The following WHAMM variants were observed in gnomAD, a reference collection of about 807,000 sequenced individuals.
WHAMM encodes WASP homolog associated with actin, golgi membranes and microtubules, also known as WASP homolog-associated protein with actin, membranes and microtubules.
A neutral mutation model predicts 76.5 loss-of-function variants in WHAMM; 67 were observed. The observed-to-expected ratio is 0.88, with a 90% CI of 0.72 to 1.07. The LOEUF (loss-of-function observed/expected upper bound fraction) is 1.07, where lower values mean the gene tolerates loss of function less well. WHAMM is among the 50% of genes least tolerant of loss of function. The pLI is 0.00. For missense variants in WHAMM, 1,021 were observed against 1,051.1 expected (o/e 0.97, Z 0.40); for synonymous variants, 419 against 422.1 (o/e 0.99, Z 0.09).
chr15:82,811,892 A>G (rs2050635020), intron 1 of WHAMM, among the ~76,000 whole-genome samples: 2 of 152,206 alleles, frequency 1.3e-5, no homozygotes, highest in Admixed American at 1.3e-4. Flanking sequence ...ATAAAAAACT[A>G]TAGCTGAAAG....
rs2051101634 is a variant in WHAMM, at chr15:82,834,606, TTGAATG to T, written c.*1078_*1083del. The T allele has an allele frequency of 6.5e-6, 1 of 152,698 alleles. No homozygotes were observed. Among genetic ancestry groups the T allele is most frequent in the Non-Finnish European group, 1.5e-5 (1 of 68,044 alleles). The allele number at this position is 152,698 out of a possible 1,614,324, so 9.5% of individuals were successfully genotyped here. A position where few individuals can be genotyped will look rare whatever the true frequency, so the allele number is the denominator to read the frequency against. ...ATAATGATTTCTCAGATTTGTAGGC[TTGAATG>T]TGAATGTTATTTTATCAGTAATCAG... On this transcript the variant is annotated 3_prime_UTR_variant, in exon 10 of 10. Transcript: ENST00000286760.
intron 1 of WHAMM, chr15:82,810,712 A>C (rs2050614350): frequency 2.0e-6 from 2 of 985,486 alleles, no homozygotes; most frequent in South Asian, 4.7e-5. Context: ...GACTAAATGT[A>C]AGCAATTCCT....
chr15:82,820,914 AAAAAAAG>A (rs1566994634), intron 5 of WHAMM, among the ~76,000 whole-genome samples: 1 of 150,900 alleles, frequency 6.6e-6, no homozygotes, highest in Non-Finnish European at 1.5e-5. Context: ...AAAAAAAAAA[AAAAAAAG>A]AAAAAAGATG....
In WHAMM at chr15:82,831,035, CT is replaced by C; in HGVS notation, c.2079del (p.Ala694LeufsTer24). 6.2e-7 allele frequency: 1 copy of C among 1,611,128 alleles called. No individual in the cohort carries two copies. Among genetic ancestry groups the C allele is most frequent in the Non-Finnish European group, 8.5e-7 (1 of 1,179,832 alleles). On this transcript the variant is annotated frameshift_variant, in exon 9 of 10. Coordinates refer to ENST00000286760, the MANE Select transcript of WHAMM (RefSeq NM_001080435.3). LOFTEE classifies it low-confidence loss of function (END_TRUNC). Reference sequence around the variant, plus strand: ...CCACGTCCTCTAGTGTGCGAATCACCTGCTGAGCGACCACGTGACTCCTTGG... The same window carrying C: ...CCACGTCCTCTAGTGTGCGAATCACCGCTGAGCGACCACGTGACTCCTTGG... Reference protein sequence around the residue: ...DQPRPLVCESPAERPRDSLES... With the variant: ...DQPRPLVCESXAERPRDSLES...
intron 8 of WHAMM, among the ~76,000 whole-genome samples, chr15:82,827,790 C>G (rs764720003): frequency 8.5e-5 from 13 of 152,124 alleles, no homozygotes; most frequent in Non-Finnish European, 1.8e-4. Flanking sequence ...ACTAAAAATA[C>G]AAAAATTAGC....
At chr15:82,817,672 C>T (rs993497273) in intron 3 of WHAMM, among the ~76,000 whole-genome samples, 1 of 151,786 alleles carries the variant, frequency 6.6e-6, no homozygotes, top group Non-Finnish European at 1.5e-5. Flanking sequence ...AGCAAGTGTG[C>T]CAAAATATAA....
Position 82,810,286 on chromosome 15 carries a change from A to AGCGGGCCTTGCGCGC in WHAMM, c.565_579dup (p.Ala189_Arg193dup). ...TGCGAAAGCCCGCGCGAGTTCCGGG[A>AGCGGGCCTTGCGCGC]GCGGGCCTTGCGCGCGCGGTGGGTC... On this transcript the variant is annotated inframe_insertion, in exon 1 of 10. Transcript: ENST00000286760. 5 of 1,362,226 alleles carry AGCGGGCCTTGCGCGC rather than the reference A, an allele frequency of 3.7e-6. No homozygotes were observed. The highest frequency in any genetic ancestry group is 4.7e-6 in the Non-Finnish European group (5 of 1,061,782). 84.4% of individuals were successfully genotyped at this position (1,362,226 alleles called of 1,614,324 possible).
chr15:82,829,246 G>A (rs2050987740), intron 8 of WHAMM, among the ~76,000 whole-genome samples: 1 of 152,186 alleles, frequency 6.6e-6, no homozygotes, highest in Non-Finnish European at 1.5e-5. Context: ...TGAGGCAGGT[G>A]GATTGCTTGA....
At position 82,826,818 on chromosome 15, in the gene WHAMM, C is replaced by T. The variant is rs1407725623; in HGVS notation, c.1613C>T (p.Thr538Ile). 10 of 1,549,398 alleles carry T rather than the reference C, an allele frequency of 6.5e-6. No homozygotes were observed. The highest frequency in any genetic ancestry group is 1.2e-5 in the South Asian group (1 of 83,688). Residue 538 changes from threonine to isoleucine, a missense_variant, in exon 8 of 10, where the codon ACA becomes ATA. Around this residue, in one of 3 missense-constraint regions of WHAMM, gnomAD observed 509 missense variants for 492.3 expected, o/e 1.03. Coordinates refer to ENST00000286760, the MANE Select transcript of WHAMM (RefSeq NM_001080435.3). The part of the protein sequence containing the change: ...KEWINQERQK[T>I]LQRLRSFKDK... Reference sequence around the variant, plus strand: ...TGGATCAACCAAGAACGTCAAAAAACACTCCAACGATTGAGATCATTTAAA... The same window carrying T: ...TGGATCAACCAAGAACGTCAAAAAATACTCCAACGATTGAGATCATTTAAA...
chr15:82,829,552 A>G (rs2050993138), intron 8 of WHAMM, among the ~76,000 whole-genome samples: 1 of 152,230 alleles, frequency 6.6e-6, no homozygotes, highest in African/African-American at 2.4e-5. Context: ...CTGTGTCTGC[A>G]TCAGGGAGGT....
rs967295908 is a variant in WHAMM, at chr15:82,833,441, A to G, written c.2335A>G (p.Arg779Gly). The change falls in exon 10 of 10, where the codon AGG (arginine) becomes GGG (glycine). Residue 779 changes from arginine to glycine, a missense_variant. Arg to Gly is a moderately radical substitution (Grantham distance 125). Around this residue, in one of 3 missense-constraint regions of WHAMM, gnomAD observed 509 missense variants for 492.3 expected, o/e 1.03. Coordinates refer to ENST00000286760, the MANE Select transcript of WHAMM (RefSeq NM_001080435.3). ...TSNRRTSDLERSIKAALQRIK... is the reference protein window; with the variant it reads ...TSNRRTSDLEGSIKAALQRIK... The stretch of plus-strand genomic sequence containing the variant: ...CAACAGACGCACCAGTGACCTTGAG[A>G]GGAGCATCAAGGCTGCGCTCCAGAG... The G allele has an allele frequency of 4.3e-6, 7 of 1,614,034 alleles. No individual in the cohort carries two copies. In the South Asian group the frequency reaches 5.5e-5, roughly 13 times the overall value.
In WHAMM at chr15:82,826,746, T is replaced by G. The variant is rs1408881240; in HGVS notation, c.1546-5T>G. 1 of 1,537,614 alleles carries G rather than the reference T, an allele frequency of 6.5e-7. No homozygotes were observed. Among genetic ancestry groups the G allele is most frequent in the East Asian group, 2.4e-5 (1 of 40,878 alleles). On this transcript the variant is annotated splice_polypyrimidine_tract_variant and splice_region_variant and intron_variant, in intron 7 of 9. Coordinates refer to ENST00000286760, the MANE Select transcript of WHAMM (RefSeq NM_001080435.3). ...ATTTACAAATATACATTTGTTTAAATATAGAAAAGAGACAAGATAAAAGAA... is the reference window on the plus strand; with the variant it reads ...ATTTACAAATATACATTTGTTTAAAGATAGAAAAGAGACAAGATAAAAGAA...
chr15:82,825,960 G>A (rs1392868175), intron 6 of WHAMM, among the ~76,000 whole-genome samples: 4 of 152,086 alleles, frequency 2.6e-5, no homozygotes, highest in Non-Finnish European at 5.9e-5. Flanking sequence ...TGTGCATATC[G>A]CATATTATAT....
At position 82,833,223 on chromosome 15, in the gene WHAMM, T is replaced by C; in HGVS notation, c.2123-6T>C. On this transcript the variant is annotated splice_region_variant and splice_polypyrimidine_tract_variant and intron_variant, in intron 9 of 9. Transcript: ENST00000286760. ...GATAGTACTAGCTCTGCTTATTCAA[T>C]TTCAGGATCTATGGATGAAGTGTTG... The C allele has an allele frequency of 6.2e-7, 1 of 1,612,432 alleles. No individual in the cohort carries two copies. The highest frequency in any genetic ancestry group is 8.5e-7 in the Non-Finnish European group (1 of 1,179,032).
chr15:82,815,666 T>C (rs955137444), intron 2 of WHAMM, among the ~76,000 whole-genome samples: 1 of 152,166 alleles, frequency 6.6e-6, no homozygotes, highest in Non-Finnish European at 1.5e-5. Flanking sequence ...GGGTGCATAT[T>C]TTATATTCCC....
In WHAMM at chr15:82,822,681, G is replaced by A. The variant is rs575398116; in HGVS notation, c.1271-419G>A. On this transcript the variant is annotated intron_variant, in intron 5 of 9. Coordinates refer to ENST00000286760, the MANE Select transcript of WHAMM (RefSeq NM_001080435.3). ...TTGAACTCCTGACCTCAGGTGTTCC[G>A]CCTGCCTTGGCCTCCCAAAGTGCTG... 1.4e-4 allele frequency among the ~76,000 whole-genome samples: 21 copies of A among 152,242 alleles called. No homozygotes were observed. The East Asian group carries it at 3.3e-3, about 24-fold the overall frequency.
In WHAMM at chr15:82,809,897, GGGGGCCCGGTT is replaced by G. The variant is rs2050595365; in HGVS notation, c.180_190del (p.Leu61AlafsTer6). 1 of 1,550,308 alleles carries G rather than the reference GGGGGCCCGGTT, an allele frequency of 6.5e-7. No homozygotes were observed. The highest frequency in any genetic ancestry group is 1.2e-5 in the South Asian group (1 of 85,562). ...CCGCGCAGCAGCGGCGGCTGCGCGA[GGGGGCCCGGTT>G]GGGGCCCGAGCCCGAGCCCAAGCCT... On this transcript the variant is annotated frameshift_variant, in exon 1 of 10. Transcript: ENST00000286760. LOFTEE classifies it high-confidence loss of function.
intron 8 of WHAMM, among the ~76,000 whole-genome samples, chr15:82,830,248 T>A (rs561887847): frequency 2.6e-5 from 4 of 151,944 alleles, no homozygotes; most frequent in Non-Finnish European, 4.4e-5. Flanking sequence ...TACTTAATAT[T>A]TTGAATAGAT....
chr15:82,810,584 C>G, intron 1 of WHAMM: 1 of 985,440 alleles, frequency 1.0e-6, no homozygotes, highest in African/African-American at 1.7e-5. Flanking sequence ...GGGAGCTGGG[C>G]TAGGCCCCCA....
Sources: gnomAD v4.1 joint callset for allele counts (sites outside exome capture counted in the v4.1 genomes callset) on GRCh38, gnomAD v4.1.1 for gene constraint, gnomAD v4.1.1 regional missense constraint, MANE v1.5 for transcripts, NCBI Gene and HGNC (gene_info 2026-07-23, HGNC 2026-07-21) for gene names.